Variants in CCDC88C observed in about 807,000 individuals in gnomAD.
The protein encoded by CCDC88C is coiled-coil and HOOK domain protein 88C.
Under a neutral mutation model 198.8 loss-of-function variants are expected in CCDC88C, and 131 were observed. The ratio of observed to expected loss-of-function variants is 0.66; its 90% CI spans 0.57 to 0.76. The LOEUF (loss-of-function observed/expected upper bound fraction) is 0.76. Among genes scored for constraint, CCDC88C ranks in the 30% least tolerant of loss-of-function variants. The pLI is 0.00. For synonymous variants in CCDC88C, 1,166 were observed against 1,114.7 expected (o/e 1.05, Z -0.92); for missense variants, 2,553 against 2,631.6 (o/e 0.97, Z 0.65).
intron 3 of CCDC88C, among the ~76,000 whole-genome samples, chr14:91,401,254 A>T (rs990479468): frequency 8.9e-5 from 13 of 145,574 alleles, no homozygotes; most frequent in African/African-American, 3.2e-4. Flanking sequence ...TATATATTAT[A>T]TAATATATAC....
chr14:91,279,572 C>A, intron 27 of CCDC88C: 1 of 330,854 alleles, frequency 3.0e-6, no homozygotes, highest in Non-Finnish European at 5.5e-6. Flanking sequence ...CAGCTTCAAA[C>A]AACTTCACAA....
chr14:91,335,483 G>A (rs1893011355), intron 10 of CCDC88C, among the ~76,000 whole-genome samples: 1 of 151,946 alleles, frequency 6.6e-6, no homozygotes, highest in Non-Finnish European at 1.5e-5. Context: ...CTCCCTGCTT[G>A]GTTAACTCCT....
At chr14:91,322,874 A>G (rs901492549) in intron 12 of CCDC88C, among the ~76,000 whole-genome samples, 2 of 149,230 alleles carry the variant, frequency 1.3e-5, no homozygotes, top group East Asian at 2.0e-4. Context: ...AAACGACACA[A>G]TGGTTTACTA....
intron 3 of CCDC88C, among the ~76,000 whole-genome samples, chr14:91,380,391 A>G (rs1490608516): frequency 6.6e-6 from 1 of 152,220 alleles, no homozygotes; most frequent in Admixed American, 6.5e-5. Flanking sequence ...CAGTTTTTAG[A>G]AGAGCGCCAA....
chr14:91,339,418 C>T lies in CCDC88C; in HGVS notation c.669G>A (p.Gln223=). The T allele has an allele frequency of 6.2e-7, 1 of 1,611,200 alleles. No individual in the cohort carries two copies. Among genetic ancestry groups the T allele is most frequent in the Admixed American group, 1.7e-5 (1 of 59,920 alleles). ...LTQERDYLQA[Q]HPPSPIKSSS... is the part of the protein sequence containing the mutation. ...AGGACTTGATGGGGCTGGGTGGATG[C>T]TGTGCCTGCAGGTAGTCCCGTTCCT... Residue 223 remains glutamine (Q), a synonymous_variant, in exon 8 of 30, where the codon CAG becomes CAA. Coordinates refer to ENST00000389857, the MANE Select transcript of CCDC88C (RefSeq NM_001080414.4). The surrounding 1 kb of genome is among the most constrained non-coding windows in gnomAD (Gnocchi z 5.8).
At chr14:91,333,286 C>T (rs1892910082) in intron 10 of CCDC88C, among the ~76,000 whole-genome samples, 1 of 152,114 alleles carries the variant, frequency 6.6e-6, no homozygotes, top group African/African-American at 2.4e-5. Context: ...TATTTTAAAC[C>T]GAGCCTTAAG....
intron 25 of CCDC88C, among the ~76,000 whole-genome samples, chr14:91,286,903 A>T (rs1352364623): frequency 6.6e-6 from 1 of 152,198 alleles, no homozygotes; most frequent in Non-Finnish European, 1.5e-5. Flanking sequence ...GGCCACGTCC[A>T]CCTGCCTTGA....
At chr14:91,406,930 C>T (rs1886517764) in intron 3 of CCDC88C, among the ~76,000 whole-genome samples, 1 of 152,236 alleles carries the variant, frequency 6.6e-6, no homozygotes, top group South Asian at 2.1e-4. Flanking sequence ...TGACCCTCGG[C>T]CCCCACCTCA....
At chr14:91,319,162 A>G (rs1167892552) in intron 13 of CCDC88C, among the ~76,000 whole-genome samples, 1 of 152,110 alleles carries the variant, frequency 6.6e-6, no homozygotes, top group Non-Finnish European at 1.5e-5. Context: ...CCCACAGTAC[A>G]CCAGTGCCTC....
At position 91,325,279 on chromosome 14, in the gene CCDC88C, C is replaced by T. The variant is rs1013676342; in HGVS notation, c.1198-356G>A. Among the ~76,000 whole-genome samples the T allele has an allele frequency of 2.0e-5, 3 of 152,188 alleles. No individual in the cohort carries two copies. Among genetic ancestry groups the T allele is most frequent in the Non-Finnish European group, 4.4e-5 (3 of 68,030 alleles). ...CCTAACAGGCCTCTAAAGCTGTTAA[C>T]AGGCTAACAAATCACAGCTCACCCC... On this transcript the variant is annotated intron_variant, in intron 11 of 29. Transcript: ENST00000389857. The surrounding 1 kb of genome is among the most constrained non-coding windows in gnomAD (Gnocchi z 4.1).
chr14:91,344,669 G>A (rs996832471), intron 4 of CCDC88C, among the ~76,000 whole-genome samples: 9 of 151,236 alleles, frequency 6.0e-5, no homozygotes, highest in East Asian at 2.0e-4. Flanking sequence ...CCACCACCGC[G>A]CCCAGCTAAT....
Position 91,308,250 on chromosome 14 carries a change from A to G in CCDC88C, c.3006+101T>C, listed in dbSNP as rs1234574204. On this transcript the variant is annotated intron_variant, in intron 17 of 29. Coordinates refer to ENST00000389857, the MANE Select transcript of CCDC88C (RefSeq NM_001080414.4). ...TGGCGCATCTACCCCTGCCCTAGAA[A>G]ATGGGTATCCAGGCCACCCCACTGC... 5.1e-6 allele frequency: 7 copies of G among 1,385,882 alleles called. No individual in the cohort carries two copies. In the Admixed American group the frequency reaches 1.2e-4, roughly 23 times the overall value. The allele number at this position is 1,385,882 out of a possible 1,614,324, so 85.8% of individuals were successfully genotyped here. A position where few individuals can be genotyped will look rare whatever the true frequency, so the allele number is the denominator to read the frequency against.
intron 3 of CCDC88C, among the ~76,000 whole-genome samples, chr14:91,403,810 G>T (rs1886341432): frequency 6.6e-6 from 1 of 152,170 alleles, no homozygotes; most frequent in Non-Finnish European, 1.5e-5. Flanking sequence ...CCCACTGGTG[G>T]TCCCAGCTAC....
In CCDC88C at chr14:91,314,054, C is replaced by T. The variant is rs377498688; in HGVS notation, c.1762G>A (p.Val588Met). 79 of 1,613,920 alleles carry T rather than the reference C, an allele frequency of 4.9e-5. No individual in the cohort carries two copies. Among genetic ancestry groups the T allele is most frequent in the African/African-American group, 1.1e-4 (8 of 75,030 alleles). Residue 588 changes from valine (V) to methionine (M), a missense_variant, in exon 15 of 30, where the codon GTG (valine) becomes ATG (methionine). By Grantham distance (21) the Val-to-Met change is conservative. This residue lies in a region of CCDC88C where 1,260 missense variants were observed against 1,412.0 expected (regional missense o/e 0.89). Transcript: ENST00000389857. ...QVSSEARMKD[V>M]EKENKALHQT... Reference sequence around the variant, plus strand: ...TGGAGGGCTTTGTTCTCCTTCTCCACGTCTTTCATGCGGGCCTCACTGCTG... The same window carrying T: ...TGGAGGGCTTTGTTCTCCTTCTCCATGTCTTTCATGCGGGCCTCACTGCTG...
intron 10 of CCDC88C, among the ~76,000 whole-genome samples, chr14:91,331,889 G>A (rs1892844966): frequency 6.6e-6 from 1 of 152,144 alleles, no homozygotes; most frequent in Non-Finnish European, 1.5e-5. Flanking sequence ...CTGCCCCTGG[G>A]TATACACTGT....
At position 91,313,348 on chromosome 14, in the gene CCDC88C, A is replaced by G. The variant is rs1030768541; in HGVS notation, c.2468T>C (p.Leu823Pro). The change falls in exon 15 of 30, where the codon CTG becomes CCG. Residue 823 changes from leucine to proline, a missense_variant. By Grantham distance (98) the Leu-to-Pro change is moderately conservative. Transcript: ENST00000389857. This position sits in a 1 kb window ranked among gnomAD's most constrained non-coding sequence, Gnocchi z 5.2. ...LEGAEKDRKA[L>P]EQEVAQLEKD... ...CTCGAGCTGGGCCACCTCCTGCTCC[A>G]GGGCCTTCCTGTCCTTCTCGGCCCC... The G allele has an allele frequency of 3.1e-6, 5 of 1,612,418 alleles. No homozygotes were observed. Among genetic ancestry groups the G allele is most frequent in the Non-Finnish European group, 4.2e-6 (5 of 1,179,884 alleles).
chr14:91,376,510 C>T (rs992760291), intron 3 of CCDC88C, among the ~76,000 whole-genome samples: 1 of 152,230 alleles, frequency 6.6e-6, no homozygotes, highest in East Asian at 1.9e-4. Context: ...ACCGCCGTCT[C>T]TGGAGAGCCC....
chr14:91,311,041 A>T (rs114081726), intron 15 of CCDC88C, among the ~76,000 whole-genome samples: 1,543 of 152,342 alleles, frequency 0.01, 24 homozygotes, highest in African/African-American at 0.035. Flanking sequence ...TATGTGTGAC[A>T]TTCAGCTGCC....
chr14:91,286,813 C>T (rs1026377077), intron 25 of CCDC88C, among the ~76,000 whole-genome samples: 4 of 152,160 alleles, frequency 2.6e-5, no homozygotes, highest in African/African-American at 4.8e-5. Flanking sequence ...GGAGTGCGGC[C>T]GACCTGCATT....
Sources: allele counts gnomAD v4.1 joint callset (sites outside exome capture counted in the v4.1 genomes callset), GRCh38; gene constraint gnomAD v4.1.1; regional missense constraint gnomAD v4.1.1; non-coding constraint Gnocchi (gnomAD v3.1); transcripts MANE v1.5; gene names NCBI Gene and HGNC (gene_info 2026-07-23, HGNC 2026-07-21).